Variants in NINL observed in about 807,000 individuals in gnomAD.
The protein encoded by NINL is ninein like.
In NINL, 153 loss-of-function variants were observed where a neutral mutation model predicts 160.3. The observed-to-expected ratio is 0.95, with a 90% confidence interval of 0.84 to 1.09. The LOEUF (loss-of-function observed/expected upper bound fraction) is 1.09. Among genes scored for constraint, NINL ranks in the 50% least tolerant of loss-of-function variants. The pLI is 0.00. For synonymous variants in NINL, 800 were observed against 734.8 expected, an observed-to-expected ratio of 1.09 and a Z score of -1.43; for missense variants, 1,829 against 1,764.0, an observed-to-expected ratio of 1.04 and a Z score of -0.66.
chr20:25,548,668 C>T (rs1200106642), intron 1 of NINL, among the ~76,000 whole-genome samples: 1 of 151,556 alleles, frequency 6.6e-6, no homozygotes, highest in African/African-American at 2.4e-5. Flanking sequence ...GACCCCGGCA[C>T]CCACGACCAC....
chr20:25,562,771 TA>T (rs79712300), intron 1 of NINL, among the ~76,000 whole-genome samples: 53 of 129,114 alleles, frequency 4.1e-4, no homozygotes, highest in African/African-American at 4.4e-4. Context: ...GAATGATCAA[TA>T]AAAAAAAAAA....
intron 1 of NINL, among the ~76,000 whole-genome samples, chr20:25,578,396 C>T (rs941665098): frequency 8.5e-5 from 13 of 152,120 alleles, no homozygotes; most frequent in African/African-American, 2.2e-4. Flanking sequence ...GTATAAGCCA[C>T]CTCGCCCGGC....
In NINL at chr20:25,554,627, AAAAAAAAAC is replaced by A. The variant is rs1399582696; in HGVS notation, c.-11-28038_-11-28030del. Among the ~76,000 whole-genome samples, 78 of 21,258 alleles carry A rather than the reference AAAAAAAAAC, an allele frequency of 3.7e-3. 10 individuals carry two copies. The highest frequency in any genetic ancestry group is 0.062 in the East Asian group (2 of 32). 13.9% of individuals were successfully genotyped at this position (21,258 alleles called of 152,430 possible). On this transcript the variant is annotated intron_variant, in intron 1 of 23. Transcript: ENST00000278886. ...TAGTAAGAACCCTGTTCTTTACCAA[AAAAAAAAAC>A]AAAAAAAAAAAAAAAAAAAAATTAG...
intron 7 of NINL, 23 bp from the exon 8 acceptor site, chr20:25,501,033 T>C: frequency 1.9e-6 from 3 of 1,610,286 alleles, no homozygotes; most frequent in Non-Finnish European, 1.7e-6. Context: ...AAGACTTCCA[T>C]AGCGCCCAGC....
At chr20:25,505,420 C>T (rs991940395) in intron 5 of NINL, among the ~76,000 whole-genome samples, 10 of 152,138 alleles carry the variant, frequency 6.6e-5, no homozygotes, top group African/African-American at 9.6e-5. Context: ...TAATAAGATC[C>T]GATTGCTTCC....
chr20:25,494,374 ATGGCACCCCATGGGCCCCATGTACACG>A (rs1291265677), intron 10 of NINL, among the ~76,000 whole-genome samples: 2 of 151,568 alleles, frequency 1.3e-5, no homozygotes, highest in Non-Finnish European at 2.9e-5. Context: ...CAGCACCCAC[ATGGCACCCCATGGGCCCCATGTACACG>A]TACTGCACCA....
At chr20:25,500,137 G>A (rs896585382) in intron 8 of NINL, among the ~76,000 whole-genome samples, 6 of 152,174 alleles carry the variant, frequency 3.9e-5, no homozygotes, top group Admixed American at 2.0e-4. Flanking sequence ...ACTGCACCTC[G>A]TGAGGCTGTC....
chr20:25,579,494 C>T (rs993619178), intron 1 of NINL, among the ~76,000 whole-genome samples: 3 of 152,234 alleles, frequency 2.0e-5, no homozygotes, highest in Non-Finnish European at 2.9e-5. Context: ...ACAGGTGACA[C>T]GCTACCTTAT....
chr20:25,534,128 C>T (rs919948517), intron 1 of NINL, among the ~76,000 whole-genome samples: 1 of 152,186 alleles, frequency 6.6e-6, no homozygotes, highest in African/African-American at 2.4e-5. Flanking sequence ...CAGACACCTG[C>T]ACGTTAGCTC....
intron 1 of NINL, among the ~76,000 whole-genome samples, chr20:25,563,038 C>T (rs908647464): frequency 4.6e-5 from 7 of 152,046 alleles, no homozygotes; most frequent in South Asian, 2.1e-4. Flanking sequence ...TGGTGGCGGG[C>T]GCCTGTAGTC....
intron 5 of NINL, among the ~76,000 whole-genome samples, chr20:25,507,385 T>G (rs140068839): frequency 6.6e-6 from 1 of 152,258 alleles, no homozygotes; most frequent in African/African-American, 2.4e-5. Flanking sequence ...CCGCTTATCT[T>G]CTTGATGTGT....
At chr20:25,512,803 G>A (rs1364348811) in intron 4 of NINL, 31 bp downstream of exon 4, 2 of 1,580,630 alleles carry the variant, frequency 1.3e-6, no homozygotes, top group East Asian at 2.3e-5. Context: ...CCAACACTGG[G>A]CAGCTGGGGT....
At chr20:25,512,721 G>C (rs2064093695) in intron 4 of NINL, 113 bp downstream of exon 4, 3 of 1,349,106 alleles carry the variant, frequency 2.2e-6, no homozygotes, top group Non-Finnish European at 3.0e-6. Context: ...GGGTGCCTGA[G>C]ACGGTGGCTG....
intron 1 of NINL, among the ~76,000 whole-genome samples, chr20:25,566,487 A>G (rs1600354847): frequency 6.6e-6 from 1 of 152,362 alleles, no homozygotes; most frequent in Middle Eastern, 3.4e-3. Flanking sequence ...AAGATTTTGC[A>G]ATGATCAGAC....
chr20:25,528,827 A>G lies in NINL; in HGVS notation c.-11-2229T>C, dbSNP rs1322950667. Among the ~76,000 whole-genome samples the G allele has an allele frequency of 2.0e-5, 3 of 152,350 alleles. No homozygotes were observed. The East Asian group carries it at 5.8e-4, about 29-fold the overall frequency. On this transcript the variant is annotated intron_variant, in intron 1 of 23. Transcript: ENST00000278886. Reference sequence around the variant, plus strand: ...AAAAAAGAGGAAATATAAGGAAACAACAACATGAAAAGTCAATCAAGCTCA... The same window carrying G: ...AAAAAAGAGGAAATATAAGGAAACAGCAACATGAAAAGTCAATCAAGCTCA...
intron 19 of NINL, 142 bp from the exon 20 acceptor site, chr20:25,462,683 C>T: frequency 1.8e-6 from 1 of 553,094 alleles, no homozygotes; most frequent in South Asian, 2.2e-5. Flanking sequence ...AAGACAGGCT[C>T]TCGCTCTGTT....
chr20:25,469,937 C>T, intron 18 of NINL, 54 bp downstream of exon 18: 1 of 1,267,812 alleles, frequency 7.9e-7, no homozygotes, highest in South Asian at 1.2e-5. Flanking sequence ...TAAGGTCACT[C>T]TACGGAGGGC....
rs758293010 is a variant in NINL, at chr20:25,500,877, G to C, written c.995C>G (p.Thr332Ser). The C allele has an allele frequency of 6.2e-7, 1 of 1,614,150 alleles. No homozygotes were observed. Among genetic ancestry groups the C allele is most frequent in the South Asian group, 1.1e-5 (1 of 91,072 alleles). ...AFPDQVLAMW[T>S]QEGIQNGREI... Reference sequence around the variant, plus strand: ...CCTGCCATTCTGAATCCCCTCCTGGGTCCACATGGCCAGGACCTGATCAGG... The same window carrying C: ...CCTGCCATTCTGAATCCCCTCCTGGCTCCACATGGCCAGGACCTGATCAGG... The change falls in exon 8 of 24, where the codon ACC becomes AGC. Residue 332 changes from threonine (T) to serine (S), a missense_variant. Coordinates refer to ENST00000278886, the MANE Select transcript of NINL (RefSeq NM_025176.6).
chr20:25,526,357 C>T (rs2064357738), intron 2 of NINL, 51 bp downstream of exon 2: 1 of 1,507,376 alleles, frequency 6.6e-7, no homozygotes, highest in Admixed American at 2.0e-5. Flanking sequence ...CCCATAAGAG[C>T]CAACTATAGA....
Sources: allele counts gnomAD v4.1 joint callset (sites outside exome capture counted in the v4.1 genomes callset), GRCh38; gene constraint gnomAD v4.1.1; transcripts MANE v1.5; gene names NCBI Gene and HGNC (gene_info 2026-07-23, HGNC 2026-07-21).